GATAD2B: variants seen among roughly 807,000 people sequenced by gnomAD.
GATAD2B encodes the protein GATA zinc finger domain containing 2B.
GATAD2B carries 8 observed loss-of-function variants against 64.3 expected under a neutral mutation model. That is an observed-to-expected ratio of 0.12 (90% CI 0.07 to 0.22). The LOEUF is 0.22. GATAD2B is among the 10% of genes least tolerant of loss of function. The pLI is 1.00. For synonymous variants in GATAD2B, 281 were observed against 271.3 expected (o/e 1.04, Z -0.35); for missense variants, 453 against 752.0 (o/e 0.60, Z 4.65).
intron 1 of GATAD2B, among the ~76,000 whole-genome samples, chr1:153,829,162 C>CCA (rs1180898400): frequency 6.6e-6 from 1 of 152,068 alleles, no homozygotes; most frequent in Non-Finnish European, 1.5e-5. Context: ...CCTGATCGTA[C>CCA]CACTGAACTC....
At chr1:153,914,433 C>T (rs1483325938) in intron 1 of GATAD2B, among the ~76,000 whole-genome samples, 1 of 152,156 alleles carries the variant, frequency 6.6e-6, no homozygotes, top group Non-Finnish European at 1.5e-5. Flanking sequence ...GGCTCAGAGA[C>T]TTCAAGTGAC....
chr1:153,878,073 T>G (rs183659042), intron 1 of GATAD2B, among the ~76,000 whole-genome samples: 175 of 152,100 alleles, frequency 1.2e-3, no homozygotes, highest in African/African-American at 3.6e-3. Flanking sequence ...CTTAGAAAAG[T>G]AGGCTCCAGC....
intron 1 of GATAD2B, among the ~76,000 whole-genome samples, chr1:153,839,904 G>A (rs1051731546): frequency 6.6e-6 from 1 of 151,932 alleles, no homozygotes; most frequent in African/African-American, 2.4e-5. Flanking sequence ...AACCTGGGAG[G>A]CAGAGGTTGC....
At chr1:153,868,468 G>C (rs557532528) in intron 1 of GATAD2B, among the ~76,000 whole-genome samples, 6 of 151,654 alleles carry the variant, frequency 4.0e-5, no homozygotes, top group Non-Finnish European at 8.8e-5. Flanking sequence ...GGGACGGGGT[G>C]GGGGTGGATG....
At chr1:153,861,064 A>G (rs1158196179) in intron 1 of GATAD2B, among the ~76,000 whole-genome samples, 1 of 152,178 alleles carries the variant, frequency 6.6e-6, no homozygotes, top group Non-Finnish European at 1.5e-5. Context: ...GGCAGAGGAG[A>G]GAAAGTGTGT....
At chr1:153,870,554 C>G (rs979353157) in intron 1 of GATAD2B, among the ~76,000 whole-genome samples, 1 of 152,066 alleles carries the variant, frequency 6.6e-6, no homozygotes, top group Non-Finnish European at 1.5e-5. Flanking sequence ...GCCTGGGTGA[C>G]AGAGCCAGAC....
chr1:153,866,262 A>G (rs1446315795), intron 1 of GATAD2B, among the ~76,000 whole-genome samples: 2 of 151,664 alleles, frequency 1.3e-5, no homozygotes, highest in African/African-American at 4.8e-5. Context: ...CATAATAGAG[A>G]GGTGAGAATG....
At chr1:153,898,946 T>C (rs1570999655) in intron 1 of GATAD2B, 1 of 152,218 alleles carries the variant, frequency 6.6e-6, no homozygotes, top group East Asian at 1.9e-4. Context: ...GAAGCTCAAC[T>C]AGGAACCGTA....
chr1:153,859,659 G>C (rs181301024), intron 1 of GATAD2B, among the ~76,000 whole-genome samples: 34 of 145,798 alleles, frequency 2.3e-4, no homozygotes, highest in Admixed American at 4.3e-4. Flanking sequence ...AACAGAGTGA[G>C]ACTCCATCTC....
At chr1:153,909,576 CAGATCACAAGTCAAA>C (rs564840118) in intron 1 of GATAD2B, among the ~76,000 whole-genome samples, 105 of 151,694 alleles carry the variant, frequency 6.9e-4, no homozygotes, top group African/African-American at 2.2e-3. Flanking sequence ...CCACGGCAGG[CAGATCACAAGTCAAA>C]AGATCAAGAC....
rs141218476 is a variant in GATAD2B at position 153,871,393 on chromosome 1, T to A, written c.-1-43045A>T. Among the ~76,000 whole-genome samples, 286 of 151,422 alleles carry A rather than the reference T, an allele frequency of 1.9e-3. 2 individuals are homozygous for A. The highest frequency in any genetic ancestry group is 6.5e-3 in the African/African-American group (270 of 41,260). On this transcript the variant is annotated intron_variant, in intron 1 of 10. Transcript: ENST00000368655. ...TGTTTTTTTGTATTTTTAGTAGAGATGGGGTTTGCCATGTTGGCCAGGCTG... is the reference window on the plus strand; with the variant it reads ...TGTTTTTTTGTATTTTTAGTAGAGAAGGGGTTTGCCATGTTGGCCAGGCTG...
chr1:153,911,695 C>T (rs1305923255), intron 1 of GATAD2B, among the ~76,000 whole-genome samples: 1 of 151,786 alleles, frequency 6.6e-6, no homozygotes, highest in African/African-American at 2.4e-5. Context: ...GAGATCGCGC[C>T]ACTGCACTCC....
chr1:153,922,210 T>C (rs576293210), intron 1 of GATAD2B, among the ~76,000 whole-genome samples: 2 of 149,652 alleles, frequency 1.3e-5, no homozygotes, highest in Admixed American at 6.7e-5. Context: ...TCCCCATTCG[T>C]CCCATCCGCC....
At chr1:153,817,975 C>T in intron 5 of GATAD2B, 65 bp downstream of exon 5, 6 of 1,410,466 alleles carry the variant, frequency 4.3e-6, no homozygotes, top group Non-Finnish European at 5.7e-6. Flanking sequence ...TTCACAAAAG[C>T]CCAAAAACAG....
intron 1 of GATAD2B, among the ~76,000 whole-genome samples, chr1:153,891,962 G>T (rs892666822): frequency 6.6e-6 from 1 of 151,872 alleles, no homozygotes; most frequent in African/African-American, 2.4e-5. Context: ...AAGAAATCGA[G>T]ACCATCCTGG....
chr1:153,869,198 G>A (rs11264487), intron 1 of GATAD2B, among the ~76,000 whole-genome samples: 3,484 of 151,418 alleles, frequency 0.023, 132 homozygotes, highest in African/African-American at 0.077. Flanking sequence ...AGGCTGAGCC[G>A]GAAGAATCAC....
chr1:153,843,038 G>A (rs910968119), intron 1 of GATAD2B, among the ~76,000 whole-genome samples: 3 of 144,258 alleles, frequency 2.1e-5, no homozygotes, highest in African/African-American at 5.2e-5. Flanking sequence ...TGCAACCTCC[G>A]CTTCCTGGGC....
chr1:153,888,894 T>C (rs751314874), intron 1 of GATAD2B, among the ~76,000 whole-genome samples: 6 of 152,134 alleles, frequency 3.9e-5, no homozygotes, highest in African/African-American at 7.2e-5. Flanking sequence ...TGCTCTTATC[T>C]TTATCCTCTG....
At chr1:153,911,484 C>T (rs1678106297) in intron 1 of GATAD2B, among the ~76,000 whole-genome samples, 1 of 152,166 alleles carries the variant, frequency 6.6e-6, no homozygotes, top group Non-Finnish European at 1.5e-5. Flanking sequence ...CCTGTAATCC[C>T]AGCACTTTGG....
Sources: gnomAD v4.1 joint callset for allele counts (sites outside exome capture counted in the v4.1 genomes callset) on GRCh38, gnomAD v4.1.1 for gene constraint, MANE v1.5 for transcripts, NCBI Gene and HGNC (gene_info 2026-07-23, HGNC 2026-07-21) for gene names.